DSCAM: variants seen among roughly 807,000 people sequenced by gnomAD.
The protein encoded by DSCAM is cell adhesion molecule DSCAM.
A neutral mutation model predicts 217.7 loss-of-function variants in DSCAM; 47 were observed. That is an observed-to-expected ratio of 0.22 (90% CI 0.17 to 0.28). The LOEUF (loss-of-function observed/expected upper bound fraction) is 0.28. DSCAM is among the 10% of genes least tolerant of loss of function. The pLI is 1.00. For synonymous variants in DSCAM, 1,056 were observed against 1,015.3 expected, an observed-to-expected ratio of 1.04 and a Z score of -0.76; for missense variants, 2,080 against 2,618.3, an observed-to-expected ratio of 0.79 and a Z score of 4.49.
intron 1 of DSCAM, among the ~76,000 whole-genome samples, chr21:40,792,950 G>T (rs1277984656): frequency 6.6e-6 from 1 of 152,154 alleles, no homozygotes; most frequent in Admixed American, 6.5e-5. Context: ...TGAGATTCTG[G>T]GGAGGAGGGG....
chr21:40,803,694 G>A (rs1206075137), intron 1 of DSCAM, among the ~76,000 whole-genome samples: 1 of 152,180 alleles, frequency 6.6e-6, no homozygotes, highest in South Asian at 2.1e-4. Flanking sequence ...GAATATACTG[G>A]CATTTATGTA....
chr21:40,736,640 A>G (rs1263432649), intron 1 of DSCAM, among the ~76,000 whole-genome samples: 4 of 152,176 alleles, frequency 2.6e-5, no homozygotes, highest in Non-Finnish European at 2.9e-5. Context: ...CATTAGAACA[A>G]AAGAGGCTTC....
At chr21:40,608,636 A>G (rs955421981) in intron 3 of DSCAM, among the ~76,000 whole-genome samples, 9 of 152,176 alleles carry the variant, frequency 5.9e-5, no homozygotes, top group Non-Finnish European at 1.2e-4. Context: ...TTTCAAGTCT[A>G]TTGACCATCA....
At chr21:40,583,449 G>A (rs2076920317) in intron 3 of DSCAM, among the ~76,000 whole-genome samples, 1 of 152,064 alleles carries the variant, frequency 6.6e-6, no homozygotes, top group South Asian at 2.1e-4. Flanking sequence ...CATGGAACAC[G>A]AGCTGGTCCT....
At chr21:40,386,755 C>T (rs2075089507) in intron 3 of DSCAM, among the ~76,000 whole-genome samples, 1 of 152,198 alleles carries the variant, frequency 6.6e-6, no homozygotes, top group Middle Eastern at 3.2e-3. Context: ...TGTCAAATTA[C>T]TTCTCCACTT....
chr21:40,293,525 G>A (rs2073919235), intron 10 of DSCAM, among the ~76,000 whole-genome samples: 1 of 152,132 alleles, frequency 6.6e-6, no homozygotes. Flanking sequence ...AATTTAAGTG[G>A]CTGAACTCAA....
intron 3 of DSCAM, among the ~76,000 whole-genome samples, chr21:40,414,949 C>T (rs1380929612): frequency 1.3e-5 from 2 of 152,092 alleles, no homozygotes; most frequent in East Asian, 3.9e-4. Context: ...TTCTTACCCT[C>T]AATAAAATAT....
At chr21:40,477,833 T>C (rs1349958861) in intron 3 of DSCAM, among the ~76,000 whole-genome samples, 1 of 152,134 alleles carries the variant, frequency 6.6e-6, no homozygotes, top group East Asian at 1.9e-4. Context: ...CTGACATTTT[T>C]TTCTGTCTTT....
intron 3 of DSCAM, among the ~76,000 whole-genome samples, chr21:40,477,930 C>T (rs991648824): frequency 2.0e-5 from 3 of 152,106 alleles, no homozygotes; most frequent in Non-Finnish European, 4.4e-5. Flanking sequence ...CAACTGATCC[C>T]ACCCATGCAA....
chr21:40,178,651 A>T (rs528168389), intron 15 of DSCAM, among the ~76,000 whole-genome samples: 3 of 152,176 alleles, frequency 2.0e-5, no homozygotes, highest in Non-Finnish European at 4.4e-5. Context: ...AAACGGCATG[A>T]TTCTTTGAAT....
At chr21:40,110,917 A>G (rs1427057677) in intron 20 of DSCAM, among the ~76,000 whole-genome samples, 8 of 152,238 alleles carry the variant, frequency 5.3e-5, no homozygotes, top group Non-Finnish European at 1.2e-4. Flanking sequence ...GGACTATGTG[A>G]AAAGACCAAA....
rs13052488 is a variant in DSCAM, at chr21:40,637,128, T to A, written c.508+55682A>T. Among the ~76,000 whole-genome samples the A allele has an allele frequency of 7.0e-4, 43 of 61,776 alleles. 2 individuals are homozygous for A. The highest frequency in any genetic ancestry group is 1.5e-3 in the East Asian group (4 of 2,642). 40.5% of individuals were successfully genotyped at this position (61,776 alleles called of 152,430 possible). A position where few individuals can be genotyped will look rare whatever the true frequency, so the allele number is the denominator to read the frequency against. On this transcript the variant is annotated intron_variant, in intron 3 of 32. Transcript: ENST00000400454. ...TCATTCATATATATATATATATATA[T>A]AAATATATAAATATATATATAAATA...
intron 3 of DSCAM, among the ~76,000 whole-genome samples, chr21:40,669,873 GTTA>G (rs1332127937): frequency 1.3e-5 from 2 of 151,642 alleles, no homozygotes; most frequent in African/African-American, 4.8e-5. Flanking sequence ...GCCCGACCAT[GTTA>G]TTATAATTTT....
chr21:40,398,411 C>T (rs1385246688), intron 3 of DSCAM, among the ~76,000 whole-genome samples: 1 of 152,082 alleles, frequency 6.6e-6, no homozygotes, highest in Non-Finnish European at 1.5e-5. Context: ...TTTCCTCTTC[C>T]TAAAATGTCA....
At chr21:40,731,939 C>T (rs577103183) in intron 1 of DSCAM, among the ~76,000 whole-genome samples, 2 of 152,234 alleles carry the variant, frequency 1.3e-5, no homozygotes, top group Non-Finnish European at 2.9e-5. Flanking sequence ...GTTGGCCCGG[C>T]TGGTCTCAAA....
At chr21:40,701,063 A>T (rs2090651568) in intron 2 of DSCAM, among the ~76,000 whole-genome samples, 1 of 152,164 alleles carries the variant, frequency 6.6e-6, no homozygotes, top group Non-Finnish European at 1.5e-5. Flanking sequence ...TTCTTAAAGG[A>T]TTAGTAGAAT....
At position 40,369,186 on chromosome 21, in the gene DSCAM, C is replaced by G; in HGVS notation, c.568G>C (p.Asp190His). ...ATGCAGCGGTAGTTATACAATCCAT[C>G]TTCATTCTGTACATCTTTAATATAC... Reference protein sequence around the residue: ...ALYIKDVQNEDGLYNYRCITR... With the variant: ...ALYIKDVQNEHGLYNYRCITR... Residue 190 changes from aspartate (D) to histidine (H), a missense_variant, in exon 4 of 33, where the codon GAT (aspartate) becomes CAT (histidine). By Grantham distance (81) the Asp-to-His change is moderately conservative. Around this residue, in one of 5 missense-constraint regions of DSCAM, gnomAD observed 568 missense variants for 678.1 expected, o/e 0.84. Transcript: ENST00000400454. 1 of 1,613,164 alleles carries G rather than the reference C, an allele frequency of 6.2e-7. No homozygotes were observed. The highest frequency in any genetic ancestry group is 8.5e-7 in the Non-Finnish European group (1 of 1,179,594).
chr21:40,160,768 A>G (rs188502532), intron 16 of DSCAM, among the ~76,000 whole-genome samples: 288 of 152,330 alleles, frequency 1.9e-3, no homozygotes, highest in African/African-American at 6.8e-3. Flanking sequence ...TTATATTGCA[A>G]CTTTACAGCT....
chr21:40,729,829 C>G (rs1350607871), intron 1 of DSCAM, among the ~76,000 whole-genome samples: 3 of 152,170 alleles, frequency 2.0e-5, no homozygotes, highest in Non-Finnish European at 4.4e-5. Context: ...GTAGCACATT[C>G]AACATACACT....
Sources: gnomAD v4.1 joint callset for allele counts (sites outside exome capture counted in the v4.1 genomes callset) on GRCh38, gnomAD v4.1.1 for gene constraint, gnomAD v4.1.1 regional missense constraint, MANE v1.5 for transcripts, NCBI Gene and HGNC (gene_info 2026-07-23, HGNC 2026-07-21) for gene names.